TMEM132D: variants seen among roughly 807,000 people sequenced by gnomAD.
TMEM132D encodes transmembrane protein 132D.
A neutral mutation model predicts 62.3 loss-of-function variants in TMEM132D; 21 were observed. The observed-to-expected ratio is 0.34, with a 90% CI of 0.24 to 0.49. The LOEUF is 0.49. Ranked by LOEUF, TMEM132D falls within the 20% of genes least tolerant of loss-of-function variation. TMEM132D has a pLI of 0.99. For synonymous variants in TMEM132D, 621 were observed against 575.6 expected, an observed-to-expected ratio of 1.08 and a Z score of -1.13; for missense variants, 1,346 against 1,402.8, an observed-to-expected ratio of 0.96 and a Z score of 0.65.
At chr12:129,328,954 A>C (rs974346964) in intron 4 of TMEM132D, among the ~76,000 whole-genome samples, 1 of 150,112 alleles carries the variant, frequency 6.7e-6, no homozygotes, top group Admixed American at 6.7e-5. Context: ...CATTGTGGAA[A>C]TTAAATTCTT....
intron 2 of TMEM132D, among the ~76,000 whole-genome samples, chr12:129,545,647 C>T (rs1876712070): frequency 6.6e-6 from 1 of 152,176 alleles, no homozygotes; most frequent in African/African-American, 2.4e-5. Flanking sequence ...TGGCAACCAA[C>T]ACGCTACTCT....
At chr12:129,724,264 G>A (rs1868945696) in intron 1 of TMEM132D, among the ~76,000 whole-genome samples, 1 of 152,158 alleles carries the variant, frequency 6.6e-6, no homozygotes, top group African/African-American at 2.4e-5. Context: ...TGATGACGAA[G>A]GTTGGAAGCC....
At chr12:129,870,408 G>C (rs531378127) in intron 1 of TMEM132D, among the ~76,000 whole-genome samples, 1 of 152,146 alleles carries the variant, frequency 6.6e-6, no homozygotes, top group African/African-American at 2.4e-5. Context: ...CCTGAGGAAG[G>C]CCACAGTGAT....
chr12:129,272,127 C>T (rs768941980), intron 4 of TMEM132D, among the ~76,000 whole-genome samples: 10 of 151,878 alleles, frequency 6.6e-5, no homozygotes, highest in Non-Finnish European at 1.3e-4. Context: ...AAGAGTGATG[C>T]TACAATGAGG....
At chr12:129,431,057 C>G (rs547152371) in intron 3 of TMEM132D, among the ~76,000 whole-genome samples, 2 of 152,304 alleles carry the variant, frequency 1.3e-5, no homozygotes, top group Non-Finnish European at 2.9e-5. Context: ...CTTGTGTTCT[C>G]TGTCTTGGGC....
chr12:129,530,994 A>G, intron 3 of TMEM132D, 65 bp downstream of exon 3: 2 of 1,490,848 alleles, frequency 1.3e-6, no homozygotes. Flanking sequence ...ATCTAGGAAA[A>G]AAAAAAAAAA....
chr12:129,653,877 G>T (rs539712566), intron 2 of TMEM132D, among the ~76,000 whole-genome samples: 1 of 152,182 alleles, frequency 6.6e-6, no homozygotes, highest in South Asian at 2.1e-4. Context: ...CATTATTCAC[G>T]TTTCTTCCAT....
chr12:129,889,968 C>T (rs192642105), intron 1 of TMEM132D, among the ~76,000 whole-genome samples: 4 of 152,140 alleles, frequency 2.6e-5, no homozygotes, highest in African/African-American at 9.7e-5. Flanking sequence ...TTCCTAGAAG[C>T]CTCATGAAAA....
At chr12:129,307,290 T>C (rs75021089) in intron 4 of TMEM132D, among the ~76,000 whole-genome samples, 17,883 of 152,084 alleles carry the variant, frequency 0.12, 1,388 homozygotes, top group East Asian at 0.34. Context: ...AAACACCTAT[T>C]GAACCCAACG....
chr12:129,091,848 G>A (rs910956728), intron 5 of TMEM132D, among the ~76,000 whole-genome samples: 1 of 152,222 alleles, frequency 6.6e-6, no homozygotes, highest in Admixed American at 6.5e-5. Context: ...GCTGGATGGA[G>A]CAGAACTTCT....
At chr12:129,561,350 C>T (rs1877221815) in intron 2 of TMEM132D, among the ~76,000 whole-genome samples, 1 of 152,182 alleles carries the variant, frequency 6.6e-6, no homozygotes, top group Non-Finnish European at 1.5e-5. Flanking sequence ...TGACAGCAAG[C>T]ACTGCTTTTC....
intron 3 of TMEM132D, among the ~76,000 whole-genome samples, chr12:129,460,531 A>G (rs763595886): frequency 1.3e-5 from 2 of 152,178 alleles, no homozygotes; most frequent in Non-Finnish European, 2.9e-5. Context: ...TCTCTCATCC[A>G]TGAGATGGCA....
intron 2 of TMEM132D, among the ~76,000 whole-genome samples, chr12:129,623,609 T>G (rs970404028): frequency 1.6e-4 from 24 of 151,538 alleles, no homozygotes; most frequent in Non-Finnish European, 2.6e-4. Flanking sequence ...TCATTACTTT[T>G]TTATGGCTGA....
At chr12:129,766,136 G>A (rs1353101200) in intron 1 of TMEM132D, among the ~76,000 whole-genome samples, 1 of 152,168 alleles carries the variant, frequency 6.6e-6, no homozygotes, top group East Asian at 1.9e-4. Flanking sequence ...TTGAAATGGG[G>A]TGGCTGCTTC....
chr12:129,194,791 A>C (rs1457771570), intron 5 of TMEM132D, among the ~76,000 whole-genome samples: 1 of 152,196 alleles, frequency 6.6e-6, no homozygotes, highest in African/African-American at 2.4e-5. Flanking sequence ...ATCCAAATGA[A>C]GAAAATGTTC....
intron 3 of TMEM132D, among the ~76,000 whole-genome samples, chr12:129,496,108 A>G (rs1874946964): frequency 6.6e-6 from 1 of 152,144 alleles, no homozygotes; most frequent in Non-Finnish European, 1.5e-5. Flanking sequence ...ACTATTCCTC[A>G]TAGTGGAGTA....
At chr12:129,562,012 A>G (rs1877249678) in intron 2 of TMEM132D, among the ~76,000 whole-genome samples, 1 of 152,222 alleles carries the variant, frequency 6.6e-6, no homozygotes, top group South Asian at 2.1e-4. Context: ...ATGCCACTTT[A>G]TTTTAATGAC....
intron 3 of TMEM132D, among the ~76,000 whole-genome samples, chr12:129,406,014 C>CT (rs1467653999): frequency 2.6e-5 from 4 of 152,180 alleles, no homozygotes; most frequent in African/African-American, 4.8e-5. Context: ...TTAATTCACT[C>CT]CAAAACCTTA....
intron 2 of TMEM132D, among the ~76,000 whole-genome samples, chr12:129,600,999 C>A (rs1343083631): frequency 6.6e-6 from 1 of 152,110 alleles, no homozygotes; most frequent in Non-Finnish European, 1.5e-5. Context: ...CTTCTCCTCT[C>A]TAGCTATGAA....
Sources: allele counts gnomAD v4.1 joint callset (sites outside exome capture counted in the v4.1 genomes callset), GRCh38; gene constraint gnomAD v4.1.1; transcripts MANE v1.5; gene names NCBI Gene and HGNC (gene_info 2026-07-23, HGNC 2026-07-21).